Variants in ADGRB3 observed in about 807,000 individuals in gnomAD.
The protein encoded by ADGRB3 is adhesion G protein-coupled receptor B3.
In ADGRB3, 37 loss-of-function variants were observed where a neutral mutation model predicts 193.4. The observed-to-expected ratio is 0.19, with a 90% CI of 0.15 to 0.25. ADGRB3 has a LOEUF of 0.25. Among genes scored for constraint, ADGRB3 ranks in the 10% least tolerant of loss-of-function variants. The pLI is 1.00. For synonymous variants in ADGRB3, 690 were observed against 644.2 expected (o/e 1.07, Z -1.08); for missense variants, 1,637 against 1,852.9 (o/e 0.88, Z 2.14).
chr6:68,888,790 A>G (rs1765986815), intron 3 of ADGRB3, among the ~76,000 whole-genome samples: 1 of 152,194 alleles, frequency 6.6e-6, no homozygotes, highest in Non-Finnish European at 1.5e-5. Context: ...CTATGCAGCA[A>G]TCTAGAGTTA....
intron 3 of ADGRB3, among the ~76,000 whole-genome samples, chr6:68,844,052 T>C (rs1768222928): frequency 6.6e-6 from 1 of 152,122 alleles, no homozygotes; most frequent in African/African-American, 2.4e-5. Context: ...ACCTAAGACC[T>C]CAAACTATGA....
chr6:68,798,256 T>C (rs148774208), intron 3 of ADGRB3, among the ~76,000 whole-genome samples: 94 of 152,336 alleles, frequency 6.2e-4, no homozygotes, highest in African/African-American at 2.0e-3. Flanking sequence ...CAAATATTCA[T>C]GTATTCATAA....
intron 3 of ADGRB3, among the ~76,000 whole-genome samples, chr6:68,799,956 A>G (rs1293640648): frequency 6.6e-6 from 1 of 152,144 alleles, no homozygotes; most frequent in Non-Finnish European, 1.5e-5. Flanking sequence ...GCCATTTGAG[A>G]TGGAAACCCT....
At chr6:69,045,954 T>C (rs1771224814) in intron 13 of ADGRB3, among the ~76,000 whole-genome samples, 1 of 152,190 alleles carries the variant, frequency 6.6e-6, no homozygotes, top group Non-Finnish European at 1.5e-5. Flanking sequence ...ACAGCTAACG[T>C]ACCTCTAATT....
intron 13 of ADGRB3, among the ~76,000 whole-genome samples, chr6:69,036,877 C>T (rs1328693418): frequency 6.6e-6 from 1 of 152,068 alleles, no homozygotes; most frequent in East Asian, 1.9e-4. Flanking sequence ...GAGCGCTGGC[C>T]AGCCATTGAA....
At chr6:68,863,665 C>T (rs1261150261) in intron 3 of ADGRB3, among the ~76,000 whole-genome samples, 1 of 152,068 alleles carries the variant, frequency 6.6e-6, no homozygotes, top group Non-Finnish European at 1.5e-5. Context: ...CATATGAACA[C>T]ACTAAAATTA....
At chr6:69,259,618 C>T (rs1766871224) in intron 20 of ADGRB3, among the ~76,000 whole-genome samples, 1 of 148,134 alleles carries the variant, frequency 6.8e-6, no homozygotes, top group Non-Finnish European at 1.5e-5. Context: ...ATGGCATGAA[C>T]TCGGGAGGCA....
intron 29 of ADGRB3, among the ~76,000 whole-genome samples, chr6:69,361,753 A>G (rs1769459165): frequency 6.6e-6 from 1 of 151,798 alleles, no homozygotes; most frequent in Non-Finnish European, 1.5e-5. Context: ...AAAGGAACCC[A>G]TTATATTTAA....
At chr6:69,233,826 G>A (rs777595293) in intron 18 of ADGRB3, among the ~76,000 whole-genome samples, 35 of 152,096 alleles carry the variant, frequency 2.3e-4, no homozygotes, top group Non-Finnish European at 4.3e-4. Flanking sequence ...ATCTGCATTG[G>A]ATATTTTCAG....
intron 15 of ADGRB3, among the ~76,000 whole-genome samples, chr6:69,050,478 T>G (rs1397458225): frequency 6.6e-6 from 1 of 152,164 alleles, no homozygotes; most frequent in East Asian, 1.9e-4. Context: ...GAAAAAAGTT[T>G]GAAAACAAAA....
chr6:68,792,501 G>A (rs899132647), intron 3 of ADGRB3, among the ~76,000 whole-genome samples: 13 of 152,106 alleles, frequency 8.5e-5, no homozygotes, highest in African/African-American at 3.1e-4. Context: ...TCTTACAAGT[G>A]CTTGTGGCCC....
At chr6:69,254,245 C>T (rs1766698479) in intron 20 of ADGRB3, among the ~76,000 whole-genome samples, 1 of 152,146 alleles carries the variant, frequency 6.6e-6, no homozygotes, top group Non-Finnish European at 1.5e-5. Context: ...CCCTTTTAAA[C>T]TGCTCAGCAT....
rs773250653 is a variant in ADGRB3 at position 68,993,776 on chromosome 6, G to T, written c.1743G>T (p.Glu581Asp). The T allele has an allele frequency of 3.7e-5, 59 of 1,613,098 alleles. No individual in the cohort carries two copies. Among genetic ancestry groups the T allele is most frequent in the Non-Finnish European group, 4.7e-5 (55 of 1,179,386 alleles). The change falls in exon 11 of 32, where the codon GAG (glutamate) becomes GAT (aspartate). Residue 581 changes from glutamate (E) to aspartate (D), a missense_variant. Around this residue, in one of 7 missense-constraint regions of ADGRB3, gnomAD observed 641 missense variants for 673.9 expected, o/e 0.95. Transcript: ENST00000370598. ...EYRHLQHSIK[E>D]HLAKGQRMLA... The stretch of plus-strand genomic sequence containing the variant: ...TCTTTTGACCATCACAGATTAAAGA[G>T]CACCTTGCTAAGGGGCAGCGAATGC...
At chr6:69,255,644 T>C (rs1165363055) in intron 20 of ADGRB3, among the ~76,000 whole-genome samples, 2 of 152,188 alleles carry the variant, frequency 1.3e-5, no homozygotes, top group African/African-American at 4.8e-5. Flanking sequence ...TTCTCCCATT[T>C]TGTGGGTTGC....
At chr6:68,640,252 T>C (rs1034454266) in intron 3 of ADGRB3, among the ~76,000 whole-genome samples, 3 of 152,054 alleles carry the variant, frequency 2.0e-5, no homozygotes, top group African/African-American at 7.2e-5. Context: ...AGAGAGGGAA[T>C]GTCTCAGAGC....
intron 15 of ADGRB3, among the ~76,000 whole-genome samples, chr6:69,051,040 G>A (rs1434788641): frequency 6.6e-6 from 1 of 151,800 alleles, no homozygotes; most frequent in African/African-American, 2.4e-5. Context: ...CAATATAATT[G>A]GAAATTTCCT....
intron 21 of ADGRB3, among the ~76,000 whole-genome samples, chr6:69,325,472 T>C (rs949031822): frequency 3.9e-5 from 6 of 152,230 alleles, no homozygotes; most frequent in Non-Finnish European, 7.4e-5. Context: ...GAACACCATC[T>C]AGAGAATTAA....
chr6:68,768,145 C>T (rs906830754), intron 3 of ADGRB3, among the ~76,000 whole-genome samples: 5 of 152,120 alleles, frequency 3.3e-5, no homozygotes, highest in Non-Finnish European at 7.4e-5. Flanking sequence ...AATGATATCC[C>T]CATCAAGCTA....
intron 3 of ADGRB3, among the ~76,000 whole-genome samples, chr6:68,888,321 G>A (rs955940526): frequency 2.6e-5 from 4 of 151,956 alleles, no homozygotes; most frequent in African/African-American, 7.3e-5. Flanking sequence ...TAAGAGATAC[G>A]GTAATAGCAT....
Sources: gnomAD v4.1 joint callset for allele counts (sites outside exome capture counted in the v4.1 genomes callset) on GRCh38, gnomAD v4.1.1 for gene constraint, gnomAD v4.1.1 regional missense constraint, MANE v1.5 for transcripts, NCBI Gene and HGNC (gene_info 2026-07-23, HGNC 2026-07-21) for gene names.